Variants in DDX60L observed in about 807,000 individuals in gnomAD.
DDX60L encodes the protein probable ATP-dependent RNA helicase DDX60-like.
DDX60L carries 191 observed loss-of-function variants against 211.6 expected under a neutral mutation model. The observed-to-expected ratio is 0.90, with a 90% CI of 0.80 to 1.02. The LOEUF (loss-of-function observed/expected upper bound fraction) is 1.02, where lower values mean the gene tolerates loss of function less well. Among genes scored for constraint, DDX60L ranks in the 50% least tolerant of loss-of-function variants. DDX60L has a pLI of 0.00. For missense variants in DDX60L, 2,007 were observed against 1,984.1 expected (o/e 1.01, Z -0.22); for synonymous variants, 706 against 694.1 (o/e 1.02, Z -0.27).
At chr4:168,434,237 A>G in intron 10 of DDX60L, among the ~76,000 whole-genome samples, 1 of 152,050 alleles carries the variant, frequency 6.6e-6, no homozygotes, top group Non-Finnish European at 1.5e-5. Context: ...TCAGAAAAAA[A>G]TTATTTTCAG....
rs1219623231 is a variant in DDX60L, at chr4:168,356,835, A to G, written c.*1312T>C. On this transcript the variant is annotated 3_prime_UTR_variant, in exon 38 of 38. Transcript: ENST00000682922. ...GCTAATTGTTTGCTTAAAGAATCAC[A>G]GAACTTACATTCAAGATTTCATTTA... 1 of 152,252 alleles carries G rather than the reference A, an allele frequency of 6.6e-6. No homozygotes were observed. Among genetic ancestry groups the G allele is most frequent in the Non-Finnish European group, 1.5e-5 (1 of 68,032 alleles). 9.4% of individuals were successfully genotyped at this position (152,252 alleles called of 1,614,324 possible). A position where few individuals can be genotyped will look rare whatever the true frequency, so the allele number is the denominator to read the frequency against.
intron 9 of DDX60L, among the ~76,000 whole-genome samples, chr4:168,445,530 G>A (rs1053819756): frequency 9.9e-5 from 15 of 152,100 alleles, no homozygotes; most frequent in Non-Finnish European, 7.4e-5. Context: ...CTCATTTTAT[G>A]AGGCCAGCAT....
chr4:168,420,137 TTTTC>T, intron 18 of DDX60L, 120 bp downstream of exon 18: 1 of 886,920 alleles, frequency 1.1e-6, no homozygotes, highest in Non-Finnish European at 1.6e-6. Context: ...AGCAATTTCA[TTTTC>T]TTTGTGAATT....
intron 13 of DDX60L, among the ~76,000 whole-genome samples, chr4:168,428,469 A>T (rs1442710194): frequency 6.6e-6 from 1 of 152,144 alleles, no homozygotes; most frequent in African/African-American, 2.4e-5. Flanking sequence ...AATTTTCTGA[A>T]ATTAGTGGGA....
At chr4:168,364,117 C>A (rs527400690) in intron 36 of DDX60L, among the ~76,000 whole-genome samples, 4 of 150,262 alleles carry the variant, frequency 2.7e-5, no homozygotes, top group African/African-American at 4.8e-5. Flanking sequence ...GAGACTCCAT[C>A]TCTTAAAAAA....
intron 29 of DDX60L, among the ~76,000 whole-genome samples, chr4:168,388,107 T>C (rs547858861): frequency 6.6e-6 from 1 of 152,358 alleles, no homozygotes; most frequent in South Asian, 2.1e-4. Flanking sequence ...CCCATGCTAA[T>C]TGCTATTTGA....
At chr4:168,382,222 C>T (rs1452707240) in intron 30 of DDX60L, among the ~76,000 whole-genome samples, 1 of 152,214 alleles carries the variant, frequency 6.6e-6, no homozygotes, top group East Asian at 1.9e-4. Context: ...TTGAAAACCT[C>T]AGGCAAATTT....
chr4:168,408,382 AACTTTC>A (rs770623425), intron 22 of DDX60L, among the ~76,000 whole-genome samples: 18 of 152,182 alleles, frequency 1.2e-4, no homozygotes, highest in Non-Finnish European at 2.5e-4. Flanking sequence ...ACTGATTATT[AACTTTC>A]AGGTATTCTT....
intron 4 of DDX60L, among the ~76,000 whole-genome samples, chr4:168,465,588 A>C (rs720585): frequency 0.29 from 43,610 of 151,886 alleles, 7,936 homozygotes; most frequent in East Asian, 0.62. Flanking sequence ...GTCCTGAAGC[A>C]TTTCCCCTAT....
intron 30 of DDX60L, among the ~76,000 whole-genome samples, chr4:168,381,321 AG>A (rs1742910133): frequency 6.6e-6 from 1 of 152,100 alleles, no homozygotes; most frequent in African/African-American, 2.4e-5. Context: ...CTCCCATCAC[AG>A]GCTGGAGTGC....
At chr4:168,422,414 G>C in intron 16 of DDX60L, 110 bp downstream of exon 16, 1 of 1,005,124 alleles carries the variant, frequency 9.9e-7, no homozygotes, top group Non-Finnish European at 1.4e-6. Flanking sequence ...GTAGAGGAAA[G>C]ACATTAAACA....
chr4:168,378,240 TA>T, intron 33 of DDX60L, 113 bp downstream of exon 33: 1 of 560,294 alleles, frequency 1.8e-6, no homozygotes, highest in Non-Finnish European at 2.9e-6. Context: ...ACAACACTAT[TA>T]AAACAAATGG....
intron 35 of DDX60L, 22 bp from the exon 36 acceptor site, chr4:168,371,785 T>G (rs1175292459): frequency 6.3e-7 from 1 of 1,578,732 alleles, no homozygotes. Context: ...CATTTTCTAT[T>G]ACTTCATTAC....
chr4:168,467,319 G>T (rs1758121434), intron 4 of DDX60L, among the ~76,000 whole-genome samples: 1 of 151,876 alleles, frequency 6.6e-6, no homozygotes, highest in African/African-American at 2.4e-5. Flanking sequence ...TGAGGTGGGA[G>T]GTTCACTTGA....
intron 5 of DDX60L, 50 bp from the exon 6 acceptor site, chr4:168,458,058 AGC>A (rs1554019755): frequency 8.6e-7 from 1 of 1,167,480 alleles, no homozygotes; most frequent in Non-Finnish European, 1.2e-6. Flanking sequence ...AGTATTTCCC[AGC>A]TGTAAAATAT....
Position 168,400,919 on chromosome 4 carries a change from G to C in DDX60L, c.3398C>G (p.Thr1133Arg), listed in dbSNP as rs1746683215. 1 of 1,613,608 alleles carries C rather than the reference G, an allele frequency of 6.2e-7. No homozygotes were observed. Among genetic ancestry groups the C allele is most frequent in the East Asian group, 2.2e-5 (1 of 44,864 alleles). Residue 1133 changes from threonine to arginine, a missense_variant, in exon 26 of 38, where the codon ACA becomes AGA. Coordinates refer to ENST00000682922, the MANE Select transcript of DDX60L (RefSeq NM_001012967.3). The part of the protein sequence containing the change: ...AGSVCTFLEK[T>R]ETKSHPHTEC... ...AGTGTGGGGATGGCTTTTTGTCTCT[G>C]TCTTCTCCAGAAAAGTGCACACACT...
chr4:168,442,105 C>T (rs1753940262), intron 9 of DDX60L, among the ~76,000 whole-genome samples: 1 of 152,084 alleles, frequency 6.6e-6, no homozygotes, highest in African/African-American at 2.4e-5. Flanking sequence ...GTTCATCTCA[C>T]TAGGGAGTGC....
chr4:168,415,982 T>C (rs1749491075), intron 20 of DDX60L, among the ~76,000 whole-genome samples, 183 bp from the exon 21 acceptor site: 1 of 152,196 alleles, frequency 6.6e-6, no homozygotes, highest in South Asian at 2.1e-4. Flanking sequence ...TCTCTATGCC[T>C]CCCTTTCTCC....
chr4:168,423,067 C>T (rs1272813766), intron 15 of DDX60L, among the ~76,000 whole-genome samples: 1 of 151,768 alleles, frequency 6.6e-6, no homozygotes, highest in African/African-American at 2.4e-5. Flanking sequence ...GTGATCTGCT[C>T]ACCTTGACCT....
Sources: gnomAD v4.1 joint callset for allele counts (sites outside exome capture counted in the v4.1 genomes callset) on GRCh38, gnomAD v4.1.1 for gene constraint, MANE v1.5 for transcripts, NCBI Gene and HGNC (gene_info 2026-07-23, HGNC 2026-07-21) for gene names.